Variants in SAP30 observed in about 807,000 individuals in gnomAD.
SAP30 encodes the protein histone deacetylase complex subunit SAP30.
A neutral mutation model predicts 19.6 loss-of-function variants in SAP30; 13 were observed. The ratio of observed to expected loss-of-function variants is 0.66; its 90% CI spans 0.43 to 1.05. SAP30 has a LOEUF of 1.05. Among genes scored for constraint, SAP30 ranks in the 50% least tolerant of loss-of-function variants. SAP30 has a pLI of 0.00. For synonymous variants in SAP30, 108 were observed against 122.7 expected, an observed-to-expected ratio of 0.88 and a Z score of 0.79; for missense variants, 257 against 292.1, an observed-to-expected ratio of 0.88 and a Z score of 0.88.
Position 173,373,575 on chromosome 4 carries a change from TA to T in SAP30, c.441+65del. On this transcript the variant is annotated intron_variant, in intron 2 of 3. Transcript: ENST00000296504. The stretch of plus-strand genomic sequence containing the variant: ...TAAGTAGTGCATTCTGAAGCCTTTA[TA>T]AAAAGATATGAACAATCTTTTAAGT... 2.8e-6 allele frequency: 4 copies of T among 1,449,166 alleles called. No homozygotes were observed. The South Asian group carries it at 6.0e-5, about 22-fold the overall frequency. 89.8% of individuals were successfully genotyped at this position (1,449,166 alleles called of 1,614,324 possible).
Position 173,373,475 on chromosome 4 carries a change from A to T in SAP30, c.401A>T (p.Asp134Val). 1 of 1,612,666 alleles carries T rather than the reference A, an allele frequency of 6.2e-7. No individual in the cohort carries two copies. The highest frequency in any genetic ancestry group is 1.3e-5 in the African/African-American group (1 of 74,972). ...NRRKRKGSDD[D>V]GGDSPVQDID... ...AGAAAGAGAAAAGGGAGTGATGATG[A>T]TGGAGGTGATTCACCTGTTCAAGAT... The change falls in exon 2 of 4, where the codon GAT becomes GTT. Residue 134 changes from aspartate to valine, a missense_variant. By Grantham distance (152) the Asp-to-Val change is radical. Coordinates refer to ENST00000296504, the MANE Select transcript of SAP30 (RefSeq NM_003864.4).
At position 173,377,249 on chromosome 4, in the gene SAP30, C is replaced by T; in HGVS notation, c.585C>T (p.Asp195=). Residue 195 remains aspartate (D), a synonymous_variant, in exon 4 of 4, where the codon GAC becomes GAT. Coordinates refer to ENST00000296504, the MANE Select transcript of SAP30 (RefSeq NM_003864.4). The part of the protein sequence containing the change: ...HFRSIPVNEK[D]TLTYFIYSVK... Reference sequence around the variant, plus strand: ...GGTCTATTCCAGTGAATGAAAAAGACACCTTAACATATTTCATCTACTCAG... The same window carrying T: ...GGTCTATTCCAGTGAATGAAAAAGATACCTTAACATATTTCATCTACTCAG... 5 of 1,607,334 alleles carry T rather than the reference C, an allele frequency of 3.1e-6. No individual in the cohort carries two copies. The highest frequency in any genetic ancestry group is 4.2e-6 in the Non-Finnish European group (5 of 1,176,802).
rs1738910292 is a variant in SAP30 at position 173,370,954 on chromosome 4, A to G, written c.-229A>G. On this transcript the variant is annotated 5_prime_UTR_variant, in exon 1 of 4. Coordinates refer to ENST00000296504, the MANE Select transcript of SAP30 (RefSeq NM_003864.4). ...CCAACTGCTGAAGTCCCCATGTGAC[A>G]GTGAGCGGGGTCCCCGCTCCAGGAG... 1 of 258,490 alleles carries G rather than the reference A, an allele frequency of 3.9e-6. No homozygotes were observed. Among genetic ancestry groups the G allele is most frequent in the South Asian group, 6.4e-5 (1 of 15,562 alleles). The allele number at this position is 258,490 out of a possible 1,614,324, so 16.0% of individuals were successfully genotyped here.
rs1436420849 is a variant in SAP30 at position 173,371,002 on chromosome 4, C to T, written c.-181C>T. 2.0e-5 allele frequency: 11 copies of T among 536,694 alleles called. No homozygotes were observed. Among genetic ancestry groups the T allele is most frequent in the Non-Finnish European group, 3.0e-5 (11 of 364,068 alleles). 33.2% of individuals were successfully genotyped at this position (536,694 alleles called of 1,614,324 possible). A position where few individuals can be genotyped will look rare whatever the true frequency, so the allele number is the denominator to read the frequency against. On this transcript the variant is annotated 5_prime_UTR_variant, in exon 1 of 4. Coordinates refer to ENST00000296504, the MANE Select transcript of SAP30 (RefSeq NM_003864.4). The surrounding 1 kb of genome is among the most constrained non-coding windows in gnomAD (Gnocchi z 6.4). ...GAGACGCTCGAGTCTGCGTCCCGGC[C>T]CTCAGCACTGTCCACTGTTTCGGTG...
intron 1 of SAP30, 141 bp from the exon 2 acceptor site, chr4:173,373,249 G>T (rs1025665606): frequency 1.6e-6 from 1 of 635,366 alleles, no homozygotes; most frequent in Non-Finnish European, 2.5e-6. Flanking sequence ...GGATTTAAAC[G>T]TATAAATATT....
At chr4:173,372,835 T>C (rs1738966441) in intron 1 of SAP30, among the ~76,000 whole-genome samples, 1 of 152,208 alleles carries the variant, frequency 6.6e-6, no homozygotes, top group Non-Finnish European at 1.5e-5. Flanking sequence ...CAGGCTGGAG[T>C]GCAGTGGCGC....
Position 173,373,608 on chromosome 4 carries a change from A to C in SAP30, c.441+93A>C, listed in dbSNP as rs1738988791. ...TATGAACAATCTTTTAAGTGTTTAAAACATTTGAGAAATCTGAAAATGAAA... is the reference window on the plus strand; with the variant it reads ...TATGAACAATCTTTTAAGTGTTTAACACATTTGAGAAATCTGAAAATGAAA... On this transcript the variant is annotated intron_variant, in intron 2 of 3. Transcript: ENST00000296504. 8 of 1,254,606 alleles carry C rather than the reference A, an allele frequency of 6.4e-6. No individual in the cohort carries two copies. In the South Asian group the frequency reaches 1.6e-4, roughly 25 times the overall value. 77.7% of individuals were successfully genotyped at this position (1,254,606 alleles called of 1,614,324 possible).
rs1180377906 is a variant in SAP30 at position 173,371,582 on chromosome 4, T to A, written c.315+85T>A. ...GCAAAGGCACGGGTTGTCGGCGGGG[T>A]CCCCCAGACAACCGCACTGGCTGCA... is the stretch of plus-strand genomic sequence containing the variant. On this transcript the variant is annotated intron_variant, in intron 1 of 3. Transcript: ENST00000296504. This position sits in a 1 kb window ranked among gnomAD's most constrained non-coding sequence, Gnocchi z 6.4. 3 of 1,512,214 alleles carry A rather than the reference T, an allele frequency of 2.0e-6. No individual in the cohort carries two copies. Among genetic ancestry groups the A allele is most frequent in the African/African-American group, 2.9e-5 (2 of 70,054 alleles). The allele number at this position is 1,512,214 out of a possible 1,614,324, so 93.7% of individuals were successfully genotyped here. A position where few individuals can be genotyped will look rare whatever the true frequency, so the allele number is the denominator to read the frequency against.
chr4:173,374,260 G>A (rs1738999825), intron 3 of SAP30, among the ~76,000 whole-genome samples: 1 of 152,138 alleles, frequency 6.6e-6, no homozygotes, highest in African/African-American at 2.4e-5. Context: ...AGCACCTTCT[G>A]ATACTGGCTT....
chr4:173,371,427 A>T lies in SAP30; in HGVS notation c.245A>T (p.Asn82Ile). 3 of 1,589,880 alleles carry T rather than the reference A, an allele frequency of 1.9e-6. No individual in the cohort carries two copies. The highest frequency in any genetic ancestry group is 1.7e-5 in the Admixed American group (1 of 59,692). Residue 82 changes from asparagine to isoleucine, a missense_variant, in exon 1 of 4, where the codon AAC becomes ATC. Asn to Ile is a moderately radical substitution (Grantham distance 149). Transcript: ENST00000296504. This position sits in a 1 kb window ranked among gnomAD's most constrained non-coding sequence, Gnocchi z 6.4. ...GAGCGGTGCGGCCGGGCGGCAGGCA[A>T]CGCCAGCTTCAGCAAGAGGATCCAG... is the stretch of plus-strand genomic sequence containing the variant. ...DGERCGRAAG[N>I]ASFSKRIQKS...
intron 3 of SAP30, among the ~76,000 whole-genome samples, chr4:173,375,039 T>TA (rs1560823703): frequency 2.7e-5 from 4 of 148,736 alleles, no homozygotes; most frequent in African/African-American, 7.3e-5. Flanking sequence ...TATATATATA[T>TA]TTTAATCATA....
In SAP30 at chr4:173,377,416, C is replaced by T; in HGVS notation, c.*89C>T. ...AAATGTTCTTTGTGTATTTTTTCTA[C>T]AGAGGATTTTCTCTGATTTTATTTT... On this transcript the variant is annotated 3_prime_UTR_variant, in exon 4 of 4. Transcript: ENST00000296504. 1 of 1,308,820 alleles carries T rather than the reference C, an allele frequency of 7.6e-7. No homozygotes were observed. Among genetic ancestry groups the T allele is most frequent in the South Asian group, 1.4e-5 (1 of 69,820 alleles). 81.1% of individuals were successfully genotyped at this position (1,308,820 alleles called of 1,614,324 possible). A position where few individuals can be genotyped will look rare whatever the true frequency, so the allele number is the denominator to read the frequency against.
intron 1 of SAP30, among the ~76,000 whole-genome samples, chr4:173,372,644 C>T (rs569045721): frequency 5.9e-5 from 9 of 152,322 alleles, no homozygotes; most frequent in Non-Finnish European, 1.2e-4. Flanking sequence ...GACTGGAAAG[C>T]ATACATTATA....
chr4:173,371,290 C>T lies in SAP30; in HGVS notation c.108C>T (p.Thr36=). The change falls in exon 1 of 4, where the codon ACC becomes ACT. Residue 36 remains threonine (T), a synonymous_variant. Transcript: ENST00000296504. The surrounding 1 kb of genome is among the most constrained non-coding windows in gnomAD (Gnocchi z 6.4). The part of the protein sequence containing the change: ...AAAAASAGNG[T]GAGTGAEVPG... ...CCGCCGCCTCGGCGGGGAACGGGAC[C>T]GGCGCGGGCACCGGGGCTGAGGTGC... 8.1e-7 allele frequency: 1 copy of T among 1,239,990 alleles called. No homozygotes were observed. Among genetic ancestry groups the T allele is most frequent in the South Asian group, 2.9e-5 (1 of 34,480 alleles). The allele number at this position is 1,239,990 out of a possible 1,614,324, so 76.8% of individuals were successfully genotyped here.
chr4:173,371,152 C>G lies in SAP30; in HGVS notation c.-31C>G, dbSNP rs1234682151. Reference sequence around the variant, plus strand: ...GGAGCGGCCAGGAGAGAGGGGATTTCTGTCAGCGCCGGCCTCGGGAGCTCG... The same window carrying G: ...GGAGCGGCCAGGAGAGAGGGGATTTGTGTCAGCGCCGGCCTCGGGAGCTCG... On this transcript the variant is annotated 5_prime_UTR_variant, in exon 1 of 4. Coordinates refer to ENST00000296504, the MANE Select transcript of SAP30 (RefSeq NM_003864.4). The surrounding 1 kb of genome is among the most constrained non-coding windows in gnomAD (Gnocchi z 6.4). The G allele has an allele frequency of 1.4e-5, 21 of 1,461,178 alleles. No homozygotes were observed. The highest frequency in any genetic ancestry group is 1.8e-5 in the Non-Finnish European group (20 of 1,109,356). 90.5% of individuals were successfully genotyped at this position (1,461,178 alleles called of 1,614,324 possible). A position where few individuals can be genotyped will look rare whatever the true frequency, so the allele number is the denominator to read the frequency against.
chr4:173,373,629 T>G lies in SAP30; in HGVS notation c.441+114T>G, dbSNP rs942936036. The G allele has an allele frequency of 2.7e-6, 3 of 1,126,912 alleles. No homozygotes were observed. In the African/African-American group the frequency reaches 4.8e-5, roughly 18 times the overall value. The allele number at this position is 1,126,912 out of a possible 1,614,324, so 69.8% of individuals were successfully genotyped here. On this transcript the variant is annotated intron_variant, in intron 2 of 3. Transcript: ENST00000296504. The stretch of plus-strand genomic sequence containing the variant: ...TTAAAACATTTGAGAAATCTGAAAA[T>G]GAAAGCAAAATTAAATATAGCCAGT...
chr4:173,373,831 G>A, intron 2 of SAP30, 108 bp from the exon 3 acceptor site: 1 of 370,450 alleles, frequency 2.7e-6, no homozygotes, highest in Non-Finnish European at 4.3e-6. Flanking sequence ...TTTTGATTTT[G>A]GAAGTAAATT....
intron 3 of SAP30, among the ~76,000 whole-genome samples, chr4:173,375,910 A>G (rs1179962569): frequency 6.6e-6 from 1 of 152,208 alleles, no homozygotes; most frequent in Non-Finnish European, 1.5e-5. Flanking sequence ...GAGGAGTCCA[A>G]ACCCTCTTGT....
chr4:173,373,863 G>A, intron 2 of SAP30, 76 bp from the exon 3 acceptor site: 4 of 648,212 alleles, frequency 6.2e-6, no homozygotes, highest in East Asian at 3.0e-5. Flanking sequence ...AAGTTAAAAT[G>A]TTTGTTATTA....
Sources: allele counts gnomAD v4.1 joint callset (sites outside exome capture counted in the v4.1 genomes callset), GRCh38; gene constraint gnomAD v4.1.1; non-coding constraint Gnocchi (gnomAD v3.1); transcripts MANE v1.5; gene names NCBI Gene and HGNC (gene_info 2026-07-23, HGNC 2026-07-21).